ENTREP2: variants seen among roughly 807,000 people sequenced by gnomAD.
ENTREP2 encodes protein ENTREP2.
the ENTREP2 span, chr15:29,269,177 C>T: frequency 3.1e-6 from 5 of 1,614,084 alleles, no homozygotes; most frequent in South Asian, 2.2e-5. Context: ...ATCAGGAGGC[C>T]CGTAGTGGGC....
At chr15:29,170,580 CTG>C in the ENTREP2 span, among the ~76,000 whole-genome samples, 37 of 149,562 alleles carry the variant, frequency 2.5e-4, no homozygotes, top group Non-Finnish European at 2.7e-4. Flanking sequence ...CACAACAAGA[CTG>C]TGTGTGTGTG....
chr15:29,535,622 C>T, the ENTREP2 span, among the ~76,000 whole-genome samples: 3 of 152,076 alleles, frequency 2.0e-5, no homozygotes, highest in East Asian at 1.9e-4. Flanking sequence ...CCTGGGAGTG[C>T]GGGATGCAAT....
the ENTREP2 span, among the ~76,000 whole-genome samples, chr15:29,630,506 A>T: frequency 6.6e-6 from 1 of 152,232 alleles, no homozygotes; most frequent in East Asian, 1.9e-4. Flanking sequence ...TTTGAATCTA[A>T]GTTTATGCCT....
the ENTREP2 span, among the ~76,000 whole-genome samples, chr15:29,655,041 ATGC>A: frequency 6.6e-6 from 1 of 152,194 alleles, no homozygotes; most frequent in East Asian, 1.9e-4. Flanking sequence ...AGCTTCTGAA[ATGC>A]TGCTGCACCA....
At chr15:29,268,032 A>C in the ENTREP2 span, 3 of 152,230 alleles carry the variant, frequency 2.0e-5, no homozygotes, top group East Asian at 3.9e-4. Context: ...GTTTCACACA[A>C]AAGTGAAACA....
chr15:29,671,086 T>C, the ENTREP2 span, among the ~76,000 whole-genome samples: 1 of 152,162 alleles, frequency 6.6e-6, no homozygotes, highest in Non-Finnish European at 1.5e-5. Flanking sequence ...CAATGATTAA[T>C]GAATCATACC....
chr15:29,639,324 C>T, the ENTREP2 span, among the ~76,000 whole-genome samples: 1 of 152,192 alleles, frequency 6.6e-6, no homozygotes, highest in East Asian at 1.9e-4. Context: ...ATTTGCCATA[C>T]TTATCATAAT....
the ENTREP2 span, among the ~76,000 whole-genome samples, chr15:29,158,104 C>T: frequency 6.6e-6 from 1 of 152,180 alleles, no homozygotes; most frequent in Non-Finnish European, 1.5e-5. Flanking sequence ...CTTTATTGAC[C>T]ACATAATCCA....
the ENTREP2 span, among the ~76,000 whole-genome samples, chr15:29,162,931 G>A: frequency 6.6e-6 from 1 of 152,084 alleles, no homozygotes; most frequent in South Asian, 2.1e-4. Context: ...ACCTCCACTG[G>A]AACAGGTGCT....
chr15:29,300,165 TG>T, the ENTREP2 span, among the ~76,000 whole-genome samples: 7 of 107,862 alleles, frequency 6.5e-5, no homozygotes, highest in Non-Finnish European at 1.2e-4. Context: ...GATGGATGGA[TG>T]GATGGATGGA....
At chr15:29,493,130 T>C in the ENTREP2 span, among the ~76,000 whole-genome samples, 2 of 85,816 alleles carry the variant, frequency 2.3e-5, no homozygotes, top group Non-Finnish European at 5.1e-5. Context: ...CAACCCTTTT[T>C]TTTTTTTTTT....
the ENTREP2 span, among the ~76,000 whole-genome samples, chr15:29,156,647 GGCATGCA>G: frequency 6.6e-6 from 1 of 152,174 alleles, no homozygotes; most frequent in African/African-American, 2.4e-5. Flanking sequence ...CCCAGGAGGA[GGCATGCA>G]GATGCCGGTC....
the ENTREP2 span, among the ~76,000 whole-genome samples, chr15:29,298,847 T>A: frequency 6.6e-6 from 1 of 152,150 alleles, no homozygotes. Flanking sequence ...AAAGAACTAT[T>A]CACTGTGTTT....
At chr15:29,124,827 A>G in the ENTREP2 span, 11 of 1,373,736 alleles carry the variant, frequency 8.0e-6, no homozygotes, top group Admixed American at 2.2e-4. Context: ...AAGCTATCAT[A>G]ACCCGCCTGT....
chr15:29,541,677 G>A, the ENTREP2 span, among the ~76,000 whole-genome samples: 162 of 152,286 alleles, frequency 1.1e-3, no homozygotes, highest in Non-Finnish European at 2.0e-3. Context: ...GGGAAGAAAA[G>A]GCACCCATGC....
the ENTREP2 span, among the ~76,000 whole-genome samples, chr15:29,574,565 T>G: frequency 6.6e-6 from 1 of 152,208 alleles, no homozygotes; most frequent in African/African-American, 2.4e-5. Context: ...GTACTGGGAA[T>G]TACAGATGTG....
At chr15:29,234,005 G>T in the ENTREP2 span, 2 of 1,493,978 alleles carry the variant, frequency 1.3e-6, no homozygotes, top group African/African-American at 2.8e-5. Flanking sequence ...TGAAATATCT[G>T]ATTGACTTGT....
chr15:29,561,588 T>C, the ENTREP2 span, among the ~76,000 whole-genome samples: 1 of 151,960 alleles, frequency 6.6e-6, no homozygotes, highest in Non-Finnish European at 1.5e-5. Context: ...CTCGGGAGGC[T>C]GAGGCAGGAG....
At chr15:29,236,197 T>C in the ENTREP2 span, among the ~76,000 whole-genome samples, 2 of 152,114 alleles carry the variant, frequency 1.3e-5, no homozygotes, top group Non-Finnish European at 1.5e-5. Context: ...CTACAGACCC[T>C]GCAGACATCC....
Sources: allele counts gnomAD v4.1 joint callset (sites outside exome capture counted in the v4.1 genomes callset), GRCh38; gene constraint gnomAD v4.1.1; transcripts MANE v1.5; gene names NCBI Gene and HGNC (gene_info 2026-07-23, HGNC 2026-07-21).